LSM6: variants seen among roughly 807,000 people sequenced by gnomAD.
LSM6 encodes U6 snRNA-associated Sm-like protein LSm6.
In LSM6, 2 loss-of-function variants were observed where a neutral mutation model predicts 13.5. That is an observed-to-expected ratio of 0.15 (90% CI 0.06 to 0.47). The LOEUF is 0.47. Ranked by LOEUF, LSM6 falls within the 20% of genes least tolerant of loss-of-function variation. LSM6 has a pLI of 0.97. For missense variants in LSM6, 58 were observed against 96.4 expected (o/e 0.60, Z 1.67); for synonymous variants, 43 against 34.9 (o/e 1.23, Z -0.82).
In LSM6 at chr4:146,191,112, C is replaced by T. The variant is rs1730460491; in HGVS notation, c.*1456C>T. ...TTTATGCTATGCTTCAATAATTTAT[C>T]ACTTCTTGACAGGGGCTTGGAAAAG... On this transcript the variant is annotated 3_prime_UTR_variant, in exon 4 of 4. Coordinates refer to ENST00000296581, the MANE Select transcript of LSM6 (RefSeq NM_007080.3). 6.6e-6 allele frequency: 1 copy of T among 152,174 alleles called. No individual in the cohort carries two copies. Among genetic ancestry groups the T allele is most frequent in the Non-Finnish European group, 1.5e-5 (1 of 68,040 alleles). The allele number at this position is 152,174 out of a possible 1,614,324, so 9.4% of individuals were successfully genotyped here. A position where few individuals can be genotyped will look rare whatever the true frequency, so the allele number is the denominator to read the frequency against.
chr4:146,175,973 G>T (rs949848613), intron 1 of LSM6, 162 bp downstream of exon 1: 1 of 152,426 alleles, frequency 6.6e-6, no homozygotes, highest in Non-Finnish European at 1.5e-5. Flanking sequence ...GCTCCGGGAA[G>T]GGACCGCTGG....
intron 1 of LSM6, among the ~76,000 whole-genome samples, chr4:146,181,477 C>T (rs967900783): frequency 1.3e-5 from 2 of 152,150 alleles, no homozygotes; most frequent in African/African-American, 4.8e-5. Context: ...CCTAGAGTTC[C>T]AGCTTACTAC....
At chr4:146,187,451 A>C in intron 3 of LSM6, 64 bp downstream of exon 3, 3 of 985,830 alleles carry the variant, frequency 3.0e-6, no homozygotes, top group Non-Finnish European at 4.7e-6. Flanking sequence ...AATCCAGATC[A>C]CCAAAGAGGT....
intron 1 of LSM6, among the ~76,000 whole-genome samples, chr4:146,178,367 C>T (rs1440407119): frequency 6.6e-6 from 1 of 152,156 alleles, no homozygotes; most frequent in Non-Finnish European, 1.5e-5. Context: ...CTCACTTCGC[C>T]TTTGGGAGAG....
At chr4:146,183,168 A>C in intron 2 of LSM6, 153 bp downstream of exon 2, 1 of 542,296 alleles carries the variant, frequency 1.8e-6, no homozygotes, top group Non-Finnish European at 3.4e-6. Context: ...CTCTGAGATC[A>C]TTCCTTTTAG....
chr4:146,188,226 A>G (rs1474011489), intron 3 of LSM6, among the ~76,000 whole-genome samples: 2 of 151,944 alleles, frequency 1.3e-5, no homozygotes, highest in Non-Finnish European at 2.9e-5. Context: ...AGTCCTTTCT[A>G]TTTATAGAAT....
intron 1 of LSM6, among the ~76,000 whole-genome samples, chr4:146,178,272 C>T (rs1730153557): frequency 6.6e-6 from 1 of 152,110 alleles, no homozygotes; most frequent in Admixed American, 6.5e-5. Flanking sequence ...TAAATTCGCA[C>T]GGGAGACCAG....
rs553626589 is a variant in LSM6, at chr4:146,189,987, T to C, written c.*331T>C. The C allele has an allele frequency of 1.7e-5, 4 of 237,784 alleles. No homozygotes were observed. The highest frequency in any genetic ancestry group is 1.1e-4 in the Admixed American group (2 of 18,518). The allele number at this position is 237,784 out of a possible 1,614,324, so 14.7% of individuals were successfully genotyped here. A position where few individuals can be genotyped will look rare whatever the true frequency, so the allele number is the denominator to read the frequency against. On this transcript the variant is annotated 3_prime_UTR_variant, in exon 4 of 4. Coordinates refer to ENST00000296581, the MANE Select transcript of LSM6 (RefSeq NM_007080.3). Reference sequence around the variant, plus strand: ...ATTTGACTTGCTTTTCTTATCCAGCTAAAATGATGCATATATTTTATATAT... The same window carrying C: ...ATTTGACTTGCTTTTCTTATCCAGCCAAAATGATGCATATATTTTATATAT...
rs1047136441 is a variant in LSM6 at position 146,190,437 on chromosome 4, C to G, written c.*781C>G. The stretch of plus-strand genomic sequence containing the variant: ...GGAGGGGCCATTCCTGTACATCTCT[C>G]ACAGTCAGATTAAAGCAAAGCCTAG... On this transcript the variant is annotated 3_prime_UTR_variant, in exon 4 of 4. Coordinates refer to ENST00000296581, the MANE Select transcript of LSM6 (RefSeq NM_007080.3). 4.6e-5 allele frequency: 7 copies of G among 152,114 alleles called. No individual in the cohort carries two copies. Among genetic ancestry groups the G allele is most frequent in the Admixed American group, 2.6e-4 (4 of 15,280 alleles). 9.4% of individuals were successfully genotyped at this position (152,114 alleles called of 1,614,324 possible).
chr4:146,179,055 G>T (rs1016625456), intron 1 of LSM6, among the ~76,000 whole-genome samples: 5 of 152,182 alleles, frequency 3.3e-5, no homozygotes, highest in African/African-American at 1.2e-4. Flanking sequence ...GCACTTTGCA[G>T]ATGTTTTCAT....
intron 1 of LSM6, among the ~76,000 whole-genome samples, chr4:146,182,057 T>C (rs182426300): frequency 4.6e-5 from 7 of 152,356 alleles, no homozygotes; most frequent in African/African-American, 1.4e-4. Flanking sequence ...GACTGTGTTA[T>C]TGACTTTCAG....
chr4:146,177,116 A>G (rs1167742754), intron 1 of LSM6, among the ~76,000 whole-genome samples: 89 of 152,152 alleles, frequency 5.8e-4, no homozygotes, highest in Non-Finnish European at 1.0e-4. Flanking sequence ...GTCATCTGGC[A>G]TAACTCCCTT....
intron 1 of LSM6, among the ~76,000 whole-genome samples, chr4:146,178,742 A>G (rs1431337186): frequency 6.6e-6 from 1 of 152,194 alleles, no homozygotes; most frequent in Non-Finnish European, 1.5e-5. Flanking sequence ...CTCTGAGGCT[A>G]ATTTACAGCA....
intron 1 of LSM6, among the ~76,000 whole-genome samples, chr4:146,180,346 G>A (rs1028983810): frequency 6.6e-6 from 1 of 152,176 alleles, no homozygotes; most frequent in Non-Finnish European, 1.5e-5. Context: ...CAGGTGCTCC[G>A]TGAAAGTTGG....
chr4:146,176,517 A>G (rs1578674449), intron 1 of LSM6: 1 of 152,228 alleles, frequency 6.6e-6, no homozygotes, highest in Non-Finnish European at 1.5e-5. Flanking sequence ...AATTGCAAAC[A>G]TAGAAGACTT....
chr4:146,178,522 A>G (rs568208982), intron 1 of LSM6, among the ~76,000 whole-genome samples: 6 of 152,352 alleles, frequency 3.9e-5, no homozygotes, highest in African/African-American at 1.2e-4. Context: ...ACACTGATCT[A>G]TTAGTCTAGT....
intron 2 of LSM6, among the ~76,000 whole-genome samples, chr4:146,184,374 AT>A (rs1730300487): frequency 6.6e-6 from 1 of 152,152 alleles, no homozygotes; most frequent in Non-Finnish European, 1.5e-5. Flanking sequence ...TCTATTGATT[AT>A]CCCCACCTAG....
intron 2 of LSM6, among the ~76,000 whole-genome samples, chr4:146,186,679 C>T (rs544407972): frequency 6.6e-6 from 1 of 152,162 alleles, no homozygotes; most frequent in East Asian, 1.9e-4. Flanking sequence ...AATATGTTGC[C>T]CTATATTCTC....
chr4:146,183,870 C>CTTTTTTTTTTT (rs1206702736), intron 2 of LSM6, among the ~76,000 whole-genome samples: 1 of 117,494 alleles, frequency 8.5e-6, no homozygotes, highest in Non-Finnish European at 1.8e-5. Flanking sequence ...GGGTAATTTT[C>CTTTTTTTTTTT]TTTTTTTTTT....
Sources: allele counts gnomAD v4.1 joint callset (sites outside exome capture counted in the v4.1 genomes callset), GRCh38; gene constraint gnomAD v4.1.1; transcripts MANE v1.5; gene names NCBI Gene and HGNC (gene_info 2026-07-23, HGNC 2026-07-21).